The following DNAJC15 variants were observed in gnomAD, a reference collection of about 807,000 sequenced individuals.
DNAJC15 encodes dnaJ homolog subfamily C member 15.
Under a neutral mutation model 22.4 loss-of-function variants are expected in DNAJC15, and 27 were observed. The ratio of observed to expected loss-of-function variants is 1.20; its 90% CI spans 0.89 to 1.66. The LOEUF (loss-of-function observed/expected upper bound fraction) is 1.66, where lower values mean the gene tolerates loss of function less well. Among genes scored for constraint, DNAJC15 ranks in the 40% most tolerant of loss-of-function variants. The pLI is 0.00. For missense variants in DNAJC15, 208 were observed against 187.1 expected (o/e 1.11, Z -0.65); for synonymous variants, 79 against 63.2 (o/e 1.25, Z -1.19).
At chr13:43,104,211 C>T (rs913129944) in intron 5 of DNAJC15, among the ~76,000 whole-genome samples, 1 of 152,270 alleles carries the variant, frequency 6.6e-6, no homozygotes, top group East Asian at 1.9e-4. Context: ...CAATCCCTCC[C>T]CACAGCCTGG....
intron 1 of DNAJC15, among the ~76,000 whole-genome samples, chr13:43,055,642 G>T (rs1289185372): frequency 6.6e-6 from 1 of 151,946 alleles, no homozygotes; most frequent in Non-Finnish European, 1.5e-5. Context: ...TTAATCTAAG[G>T]GTCTACCAAT....
intron 1 of DNAJC15, among the ~76,000 whole-genome samples, chr13:43,056,052 G>A (rs1223552807): frequency 6.6e-6 from 1 of 151,992 alleles, no homozygotes; most frequent in Non-Finnish European, 1.5e-5. Flanking sequence ...ATGGTTTTGA[G>A]GGTTCCTTTT....
chr13:43,084,963 A>G (rs1167569369), intron 4 of DNAJC15, among the ~76,000 whole-genome samples: 1 of 152,206 alleles, frequency 6.6e-6, no homozygotes, highest in African/African-American at 2.4e-5. Context: ...AACTCATTTA[A>G]TCCTTACAGT....
intron 1 of DNAJC15, among the ~76,000 whole-genome samples, chr13:43,059,840 A>G (rs933501805): frequency 6.6e-6 from 1 of 152,150 alleles, no homozygotes; most frequent in South Asian, 2.1e-4. Context: ...AGTTAGGAGC[A>G]ATGTTTCGCG....
At chr13:43,075,466 T>A (rs183804100) in intron 3 of DNAJC15, among the ~76,000 whole-genome samples, 36 of 152,322 alleles carry the variant, frequency 2.4e-4, no homozygotes, top group Admixed American at 2.0e-3. Context: ...CTCATTGAAA[T>A]ATTTTTTTCC....
At chr13:43,093,467 G>A (rs1263207949) in intron 5 of DNAJC15, among the ~76,000 whole-genome samples, 2 of 152,172 alleles carry the variant, frequency 1.3e-5, no homozygotes, top group African/African-American at 4.8e-5. Flanking sequence ...CTAGAGTGCA[G>A]TGGTGTGATC....
chr13:43,089,234 A>T (rs1325206968), intron 5 of DNAJC15, among the ~76,000 whole-genome samples: 1 of 152,220 alleles, frequency 6.6e-6, no homozygotes, highest in Non-Finnish European at 1.5e-5. Context: ...CCATTTATTC[A>T]AAAATTATTT....
chr13:43,105,109 T>C (rs2040789985), intron 5 of DNAJC15, among the ~76,000 whole-genome samples: 1 of 151,762 alleles, frequency 6.6e-6, no homozygotes, highest in Admixed American at 6.6e-5. Flanking sequence ...TTACATATTG[T>C]TGGAAGATCT....
intron 4 of DNAJC15, among the ~76,000 whole-genome samples, chr13:43,083,399 C>A (rs1313953782): frequency 6.6e-6 from 1 of 152,114 alleles, no homozygotes; most frequent in Non-Finnish European, 1.5e-5. Flanking sequence ...GATCTCCTGA[C>A]CTTGTGATCT....
intron 1 of DNAJC15, among the ~76,000 whole-genome samples, chr13:43,051,865 A>G (rs374867638): frequency 6.6e-6 from 1 of 152,172 alleles, no homozygotes; most frequent in Non-Finnish European, 1.5e-5. Flanking sequence ...AGGAATCTTC[A>G]TACTGTTTTT....
chr13:43,037,957 C>T lies in DNAJC15; in HGVS notation c.108+14223C>T, dbSNP rs76021268. ...TTTTATAGCCTGCTTTTATTCTGTA[C>T]TTAACATGTGGTTGCTAAACATTCC... On this transcript the variant is annotated intron_variant, in intron 1 of 5. Transcript: ENST00000379221. Among the ~76,000 whole-genome samples the T allele has an allele frequency of 3.3e-4, 51 of 152,268 alleles. No individual in the cohort carries two copies. The East Asian group carries it at 9.7e-3, about 29-fold the overall frequency.
At chr13:43,102,461 C>T (rs1048148564) in intron 5 of DNAJC15, among the ~76,000 whole-genome samples, 1 of 151,890 alleles carries the variant, frequency 6.6e-6, no homozygotes, top group Non-Finnish European at 1.5e-5. Context: ...GTTGAATTTT[C>T]TGAACTTATT....
chr13:43,065,546 A>G, intron 1 of DNAJC15, 140 bp from the exon 2 acceptor site: 2 of 653,506 alleles, frequency 3.1e-6, no homozygotes, highest in Non-Finnish European at 5.3e-6. Context: ...GACACTGCAT[A>G]TTTTTTTAAG....
chr13:43,074,377 G>A (rs1283646580), intron 3 of DNAJC15, among the ~76,000 whole-genome samples: 1 of 152,124 alleles, frequency 6.6e-6, no homozygotes, highest in Non-Finnish European at 1.5e-5. Flanking sequence ...TTATGAATGG[G>A]ATAGTACAAA....
chr13:43,032,983 A>G lies in DNAJC15; in HGVS notation c.108+9249A>G, dbSNP rs774470409. 1.4e-3 allele frequency among the ~76,000 whole-genome samples: 216 copies of G among 152,222 alleles called. 5 individuals are homozygous for G. Among genetic ancestry groups the G allele is most frequent in the Non-Finnish European group, 5.0e-4 (34 of 68,040 alleles). On this transcript the variant is annotated intron_variant, in intron 1 of 5. Transcript: ENST00000379221. Reference sequence around the variant, plus strand: ...CAATCATGGCAGAAGACAGAGTGGGAGCCACCACTTCACATGGCCAGAGCG... The same window carrying G: ...CAATCATGGCAGAAGACAGAGTGGGGGCCACCACTTCACATGGCCAGAGCG...
chr13:43,026,544 A>G (rs1443514879), intron 1 of DNAJC15, among the ~76,000 whole-genome samples: 9 of 152,216 alleles, frequency 5.9e-5, no homozygotes. Context: ...TGTTGATAAT[A>G]ACTTTAGGGA....
At chr13:43,024,718 C>T (rs1443700075) in intron 1 of DNAJC15, among the ~76,000 whole-genome samples, 2 of 151,664 alleles carry the variant, frequency 1.3e-5, no homozygotes, top group African/African-American at 4.8e-5. Context: ...CATGTATTTT[C>T]TTTAACCTGA....
rs59872452 is a variant in DNAJC15 at position 43,076,528 on chromosome 13, C to T, written c.235-2084C>T. ...TAAAAACAAAGAAAAAATTATAATC[C>T]CACCAGCTAAAAATAACTTTAAAGT... On this transcript the variant is annotated intron_variant, in intron 3 of 5. Coordinates refer to ENST00000379221, the MANE Select transcript of DNAJC15 (RefSeq NM_013238.3). Among the ~76,000 whole-genome samples the T allele has an allele frequency of 2.2e-3, 330 of 152,124 alleles. 13 individuals carry two copies. The East Asian group carries it at 0.058, about 27-fold the overall frequency.
rs573870052 is a variant in DNAJC15, at chr13:43,097,719, C to G, written c.383-9459C>G. ...TTGGGAGGCTGAGGCGGGGAGATCA[C>G]CTGAGGTCGGGAGTTCGAGACCAGC... is the stretch of plus-strand genomic sequence containing the variant. On this transcript the variant is annotated intron_variant, in intron 5 of 5. Transcript: ENST00000379221. 3.3e-5 allele frequency among the ~76,000 whole-genome samples: 5 copies of G among 152,224 alleles called. No homozygotes were observed. In the South Asian group the frequency reaches 1.0e-3, roughly 32 times the overall value.
Sources: allele counts gnomAD v4.1 joint callset (sites outside exome capture counted in the v4.1 genomes callset), GRCh38; gene constraint gnomAD v4.1.1; transcripts MANE v1.5; gene names NCBI Gene and HGNC (gene_info 2026-07-23, HGNC 2026-07-21).